GRAMD1B: variants seen among roughly 807,000 people sequenced by gnomAD.
The protein encoded by GRAMD1B is GRAM domain containing 1B.
In GRAMD1B, 37 loss-of-function variants were observed where a neutral mutation model predicts 99.7. The observed-to-expected ratio is 0.37, with a 90% confidence interval of 0.29 to 0.49. The LOEUF is 0.49. GRAMD1B is among the 20% of genes least tolerant of loss of function. The pLI is 0.98. For synonymous variants in GRAMD1B, 427 were observed against 387.6 expected, an observed-to-expected ratio of 1.10 and a Z score of -1.19; for missense variants, 888 against 1,009.2, an observed-to-expected ratio of 0.88 and a Z score of 1.63.
chr11:123,401,540 T>C (rs570326681), intron 1 of GRAMD1B, among the ~76,000 whole-genome samples: 2 of 152,328 alleles, frequency 1.3e-5, no homozygotes, highest in South Asian at 4.1e-4. Context: ...AAACAGCAAG[T>C]GTTGCTGTAA....
intron 1 of GRAMD1B, among the ~76,000 whole-genome samples, chr11:123,470,627 C>T (rs764695440): frequency 2.6e-5 from 4 of 151,524 alleles, no homozygotes; most frequent in Non-Finnish European, 5.9e-5. Context: ...AATTCTCCTG[C>T]CTCAGCCTCC....
chr11:123,621,228 C>T (rs184525171), intron 19 of GRAMD1B, among the ~76,000 whole-genome samples: 35 of 152,148 alleles, frequency 2.3e-4, no homozygotes, highest in Non-Finnish European at 2.9e-5. Flanking sequence ...ACCATTTACC[C>T]CAGAAATGTT....
intron 1 of GRAMD1B, among the ~76,000 whole-genome samples, chr11:123,436,856 A>G (rs1299072724): frequency 6.6e-6 from 1 of 151,948 alleles, no homozygotes; most frequent in Non-Finnish European, 1.5e-5. Flanking sequence ...GCACCCATTA[A>G]CTCGTCATTT....
intron 1 of GRAMD1B, among the ~76,000 whole-genome samples, chr11:123,472,431 C>T (rs1282115900): frequency 6.6e-6 from 1 of 152,176 alleles, no homozygotes; most frequent in Non-Finnish European, 1.5e-5. Flanking sequence ...GTTCCTCCCA[C>T]CTCGGCCTCC....
At chr11:123,423,256 A>C (rs139587199) in intron 1 of GRAMD1B, among the ~76,000 whole-genome samples, 1 of 151,396 alleles carries the variant, frequency 6.6e-6, no homozygotes, top group Non-Finnish European at 1.5e-5. Context: ...ACACACACAC[A>C]CACACACACA....
intron 1 of GRAMD1B, among the ~76,000 whole-genome samples, chr11:123,449,631 C>A (rs918618916): frequency 4.6e-5 from 7 of 150,750 alleles, no homozygotes. Context: ...GTGGAGATTG[C>A]TGGTGAGATA....
At chr11:123,439,377 A>G (rs939430665) in intron 1 of GRAMD1B, among the ~76,000 whole-genome samples, 6 of 152,184 alleles carry the variant, frequency 3.9e-5, no homozygotes, top group Non-Finnish European at 7.3e-5. Context: ...CCTCCTAAAC[A>G]CACTCCTGTT....
Position 123,569,419 on chromosome 11 carries a change from G to T in GRAMD1B, c.453-7948G>T, listed in dbSNP as rs368252034. On this transcript the variant is annotated intron_variant, in intron 2 of 19. Coordinates refer to ENST00000635736, the MANE Select transcript of GRAMD1B (RefSeq NM_001387025.1). ...CTCCCCTCTACAAGGTTCTGGTTGG[G>T]TCTGCCCTTCCCACCTGCCGTGACA... Among the ~76,000 whole-genome samples, 35 of 152,154 alleles carry T rather than the reference G, an allele frequency of 2.3e-4. 1 individual carries two copies. The highest frequency in any genetic ancestry group is 1.2e-3 in the Admixed American group (18 of 15,272).
At chr11:123,380,327 C>G (rs1353196099) in intron 1 of GRAMD1B, among the ~76,000 whole-genome samples, 1 of 152,214 alleles carries the variant, frequency 6.6e-6, no homozygotes, top group Non-Finnish European at 1.5e-5. Flanking sequence ...CTTTGATCCT[C>G]ATGGTCTATT....
chr11:123,428,102 T>C (rs1948717079), upstream of GRAMD1B, among the ~76,000 whole-genome samples: 2 of 152,188 alleles, frequency 1.3e-5, no homozygotes, highest in South Asian at 2.1e-4. Context: ...TCCAAGCGAA[T>C]GGTGGTGTCC....
At chr11:123,616,050 G>A (rs1465127583) in intron 17 of GRAMD1B, among the ~76,000 whole-genome samples, 3 of 152,256 alleles carry the variant, frequency 2.0e-5, no homozygotes, top group Non-Finnish European at 4.4e-5. Flanking sequence ...TTGGCTGGGC[G>A]CGGTGGCTCA....
intron 17 of GRAMD1B, chr11:123,618,445 C>T: frequency 8.6e-7 from 1 of 1,160,766 alleles, no homozygotes. Context: ...GTTCTGGGTG[C>T]CTATGCATCT....
chr11:123,548,325 T>TATACACACACACAC (rs1555067740), intron 2 of GRAMD1B, among the ~76,000 whole-genome samples: 53 of 86,858 alleles, frequency 6.1e-4, no homozygotes, highest in Non-Finnish European at 1.0e-3. Context: ...TATATATATA[T>TATACACACACACAC]ACACACACAC....
intron 3 of GRAMD1B, among the ~76,000 whole-genome samples, chr11:123,579,191 A>G (rs550234968): frequency 6.6e-6 from 1 of 152,346 alleles, no homozygotes; most frequent in East Asian, 1.9e-4. Flanking sequence ...CCACAGGAGA[A>G]CGTGCAGCGA....
chr11:123,378,904 A>C (rs150265998), intron 1 of GRAMD1B, among the ~76,000 whole-genome samples: 1 of 152,352 alleles, frequency 6.6e-6, no homozygotes, highest in Non-Finnish European at 1.5e-5. Flanking sequence ...TAAATGTAAC[A>C]GGTGTGACAG....
intron 1 of GRAMD1B, among the ~76,000 whole-genome samples, chr11:123,385,023 G>A (rs539349779): frequency 1.3e-5 from 2 of 152,308 alleles, no homozygotes; most frequent in Non-Finnish European, 2.9e-5. Context: ...GTAGTTCAGT[G>A]AAAACTGTCG....
chr11:123,454,739 A>G (rs1210540457), intron 1 of GRAMD1B: 1 of 152,174 alleles, frequency 6.6e-6, no homozygotes, highest in Non-Finnish European at 1.5e-5. Flanking sequence ...AGTGGGTTAT[A>G]ATTAGGGGAG....
At chr11:123,602,697 A>G (rs1282047404) in intron 8 of GRAMD1B, among the ~76,000 whole-genome samples, 1 of 152,128 alleles carries the variant, frequency 6.6e-6, no homozygotes. Flanking sequence ...GAACCCAATG[A>G]GAACAAACTT....
chr11:123,607,094 T>C (rs568754239), intron 11 of GRAMD1B, among the ~76,000 whole-genome samples: 2 of 152,230 alleles, frequency 1.3e-5, no homozygotes, highest in African/African-American at 4.8e-5. Context: ...GTCTAGGCAA[T>C]GTTTATAAGC....
Sources: allele counts gnomAD v4.1 joint callset (sites outside exome capture counted in the v4.1 genomes callset), GRCh38; gene constraint gnomAD v4.1.1; transcripts MANE v1.5; gene names NCBI Gene and HGNC (gene_info 2026-07-23, HGNC 2026-07-21).